The following DCC variants were observed in gnomAD, a reference collection of about 807,000 sequenced individuals.
The protein encoded by DCC is netrin receptor DCC.
In DCC, 58 loss-of-function variants were observed where a neutral mutation model predicts 172.5. The ratio of observed to expected loss-of-function variants is 0.34; its 90% CI spans 0.27 to 0.42. The LOEUF (loss-of-function observed/expected upper bound fraction) is 0.42. DCC is among the 10% of genes least tolerant of loss of function. The pLI is 1.00. For missense variants in DCC, 1,740 were observed against 1,791.0 expected (o/e 0.97, Z 0.51); for synonymous variants, 709 against 644.5 (o/e 1.10, Z -1.52).
chr18:53,105,679 G>C (rs2043234671), intron 7 of DCC, among the ~76,000 whole-genome samples: 1 of 151,800 alleles, frequency 6.6e-6, no homozygotes, highest in Non-Finnish European at 1.5e-5. Flanking sequence ...TAAGTTACCT[G>C]ATTTCATTTA....
intron 23 of DCC, among the ~76,000 whole-genome samples, chr18:53,458,507 C>A (rs539127643): frequency 6.6e-6 from 1 of 152,198 alleles, no homozygotes; most frequent in Non-Finnish European, 1.5e-5. Context: ...ACACAGGGAA[C>A]ATTTAATCTC....
At chr18:52,966,438 C>G (rs1450062558) in intron 5 of DCC, among the ~76,000 whole-genome samples, 1 of 152,274 alleles carries the variant, frequency 6.6e-6, no homozygotes, top group South Asian at 2.1e-4. Flanking sequence ...CCCTCCACCC[C>G]TAAACCCTAC....
intron 2 of DCC, among the ~76,000 whole-genome samples, chr18:52,855,987 A>G (rs954203576): frequency 5.3e-5 from 8 of 151,764 alleles, no homozygotes; most frequent in African/African-American, 1.7e-4. Context: ...TTGGTTTTGA[A>G]ACCCTGACCT....
intron 12 of DCC, among the ~76,000 whole-genome samples, chr18:53,271,045 T>C (rs11664776): frequency 0.34 from 51,973 of 151,996 alleles, 10,511 homozygotes; most frequent in South Asian, 0.57. Flanking sequence ...TGGAGCTCAG[T>C]GTGAAATCAA....
At position 52,950,929 on chromosome 18, in the gene DCC, C is replaced by CAAAAAAAAAA. The variant is rs755118442; in HGVS notation, c.985+25592_985+25601dup. On this transcript the variant is annotated intron_variant, in intron 5 of 28. Transcript: ENST00000442544. ...TGGGCGACAGAGTGAGACTCCGTCT[C>CAAAAAAAAAA]AAAAAAAAAAAAAAAAAAAAAAAAA... is the stretch of plus-strand genomic sequence containing the variant. Among the ~76,000 whole-genome samples the CAAAAAAAAAA allele has an allele frequency of 1.5e-3, 88 of 57,418 alleles. 6 individuals carry two copies. The highest frequency in any genetic ancestry group is 1.7e-3 in the Non-Finnish European group (57 of 32,626). 37.7% of individuals were successfully genotyped at this position (57,418 alleles called of 152,430 possible). A position where few individuals can be genotyped will look rare whatever the true frequency, so the allele number is the denominator to read the frequency against.
chr18:52,371,997 T>C (rs12969239), intron 1 of DCC, among the ~76,000 whole-genome samples: 24,210 of 152,232 alleles, frequency 0.16, 2,075 homozygotes, highest in African/African-American at 0.21. Context: ...CTCCTTTTGA[T>C]CAGCTACTCA....
chr18:53,316,619 CCTTT>C (rs1007596191), intron 13 of DCC, among the ~76,000 whole-genome samples: 162 of 152,126 alleles, frequency 1.1e-3, no homozygotes, highest in African/African-American at 3.7e-3. Flanking sequence ...TTGTTTGTGT[CCTTT>C]CTTATTTCCT....
Position 52,824,548 on chromosome 18 carries a change from T to G in DCC, c.412+72174T>G, listed in dbSNP as rs139251051. On this transcript the variant is annotated intron_variant, in intron 2 of 28. Coordinates refer to ENST00000442544, the MANE Select transcript of DCC (RefSeq NM_005215.4). ...AAAATCATTAATTTCAAAAAAAAAT[T>G]AGAGAATTTCTCTAATGCTTGTACA... 1.5e-4 allele frequency among the ~76,000 whole-genome samples: 23 copies of G among 152,202 alleles called. No homozygotes were observed. The East Asian group carries it at 3.7e-3, about 24-fold the overall frequency.
intron 1 of DCC, among the ~76,000 whole-genome samples, chr18:52,698,893 G>A (rs190285841): frequency 6.6e-5 from 10 of 151,972 alleles, no homozygotes; most frequent in African/African-American, 2.2e-4. Flanking sequence ...ACAGGTGTGG[G>A]CCACCATGCC....
chr18:52,862,731 A>T (rs112494724), intron 2 of DCC, among the ~76,000 whole-genome samples: 2,336 of 152,246 alleles, frequency 0.015, 56 homozygotes, highest in African/African-American at 0.05. Context: ...AATTAAAAAA[A>T]ATTCAAAAAT....
At chr18:52,396,009 G>A (rs1001568922) in intron 1 of DCC, among the ~76,000 whole-genome samples, 2 of 151,946 alleles carry the variant, frequency 1.3e-5, no homozygotes, top group Non-Finnish European at 2.9e-5. Context: ...CCTCCCTGCT[G>A]AGTTCTAGTC....
At chr18:52,968,696 G>A (rs1055661087) in intron 5 of DCC, among the ~76,000 whole-genome samples, 1 of 152,044 alleles carries the variant, frequency 6.6e-6, no homozygotes, top group Admixed American at 6.6e-5. Context: ...GCTTACAGAC[G>A]CAGTGGAATC....
At chr18:52,969,584 A>T (rs55934302) in intron 5 of DCC, among the ~76,000 whole-genome samples, 31,973 of 119,272 alleles carry the variant, frequency 0.27, 4,483 homozygotes, top group Non-Finnish European at 0.29. Flanking sequence ...CCCGCCCCCC[A>T]CTCTCTCTCT....
intron 27 of DCC, among the ~76,000 whole-genome samples, chr18:53,513,375 C>A (rs996149665): frequency 3.3e-5 from 5 of 152,140 alleles, no homozygotes; most frequent in Non-Finnish European, 4.4e-5. Flanking sequence ...AATGTAAAGA[C>A]CATCAAAGAC....
intron 1 of DCC, among the ~76,000 whole-genome samples, chr18:52,371,239 A>G (rs1290804899): frequency 6.6e-6 from 1 of 152,218 alleles, no homozygotes; most frequent in Non-Finnish European, 1.5e-5. Context: ...CAGTTAGAGC[A>G]GTGCCTAGGT....
At chr18:52,716,952 C>A (rs573491793) in intron 1 of DCC, among the ~76,000 whole-genome samples, 28 of 152,306 alleles carry the variant, frequency 1.8e-4, no homozygotes, top group African/African-American at 5.8e-4. Context: ...AATGGAATTA[C>A]AAGTGACCAA....
intron 5 of DCC, among the ~76,000 whole-genome samples, chr18:52,935,372 A>G (rs1306391997): frequency 6.6e-6 from 1 of 151,846 alleles, no homozygotes; most frequent in Non-Finnish European, 1.5e-5. Flanking sequence ...ACCTATATCA[A>G]TTTAATAGTA....
chr18:53,446,124 A>AAAAAAAAAAAAAAAAC lies in DCC; in HGVS notation c.3230-4376_3230-4375insAAAAAAAAAAAAAAAC, dbSNP rs369426007. Among the ~76,000 whole-genome samples, 134 of 117,260 alleles carry AAAAAAAAAAAAAAAAC rather than the reference A, an allele frequency of 1.1e-3. 20 individuals carry two copies. Among genetic ancestry groups the AAAAAAAAAAAAAAAAC allele is most frequent in the Non-Finnish European group, 1.7e-3 (92 of 54,372 alleles). 76.9% of individuals were successfully genotyped at this position (117,260 alleles called of 152,430 possible). On this transcript the variant is annotated intron_variant, in intron 22 of 28. Transcript: ENST00000442544. Reference sequence around the variant, plus strand: ...AAAAAAAAAAAAAAAACAAAAAAAAACACTTAAAAATTTTCCAGGGATGGT... The same window carrying AAAAAAAAAAAAAAAAC: ...AAAAAAAAAAAAAAAACAAAAAAAAAAAAAAAAAAAAAAAACCACTTAAAAATTTTCCAGGGATGGT...
intron 25 of DCC, among the ~76,000 whole-genome samples, chr18:53,476,669 C>T (rs1029672409): frequency 5.9e-5 from 9 of 152,068 alleles, no homozygotes; most frequent in African/African-American, 2.2e-4. Flanking sequence ...ATCATGAAAA[C>T]AGACTAATAC....
Sources: gnomAD v4.1 joint callset for allele counts (sites outside exome capture counted in the v4.1 genomes callset) on GRCh38, gnomAD v4.1.1 for gene constraint, MANE v1.5 for transcripts, NCBI Gene and HGNC (gene_info 2026-07-23, HGNC 2026-07-21) for gene names.